Variants in MYO16 observed in about 807,000 individuals in gnomAD.
MYO16 encodes the protein unconventional myosin-XVI.
Under a neutral mutation model 205.3 loss-of-function variants are expected in MYO16, and 94 were observed. That is an observed-to-expected ratio of 0.46 (90% CI 0.39 to 0.54). The LOEUF is 0.54. Ranked by LOEUF, MYO16 falls within the 20% of genes least tolerant of loss-of-function variation. The pLI is 0.00. For synonymous variants in MYO16, 988 were observed against 954.0 expected, an observed-to-expected ratio of 1.04 and a Z score of -0.66; for missense variants, 2,315 against 2,387.5, an observed-to-expected ratio of 0.97 and a Z score of 0.63.
intron 12 of MYO16, among the ~76,000 whole-genome samples, chr13:108,882,433 A>G (rs1879661173): frequency 6.6e-6 from 1 of 152,178 alleles, no homozygotes; most frequent in South Asian, 2.1e-4. Context: ...CAGGCCAGTT[A>G]TTTTGTACAA....
At chr13:108,619,429 T>C (rs990015810) in intron 1 of MYO16, among the ~76,000 whole-genome samples, 1 of 152,198 alleles carries the variant, frequency 6.6e-6, no homozygotes, top group African/African-American at 2.4e-5. Flanking sequence ...CCGATCTGTA[T>C]CTTTTCTTGA....
intron 5 of MYO16, among the ~76,000 whole-genome samples, chr13:108,790,702 A>T (rs1396987252): frequency 6.6e-6 from 1 of 152,186 alleles, no homozygotes; most frequent in African/African-American, 2.4e-5. Flanking sequence ...ATTTTAAAAA[A>T]ATCTAAAATT....
At chr13:108,608,268 G>T (rs1879035363) in intron 1 of MYO16, among the ~76,000 whole-genome samples, 1 of 152,136 alleles carries the variant, frequency 6.6e-6, no homozygotes, top group Admixed American at 6.5e-5. Context: ...CTGGTGGCAT[G>T]GCTTCTGCCT....
intron 2 of MYO16, among the ~76,000 whole-genome samples, chr13:108,666,818 A>G (rs1238652439): frequency 1.3e-5 from 2 of 152,148 alleles, no homozygotes; most frequent in South Asian, 2.1e-4. Context: ...TTCACTTTTT[A>G]TATACTCTTG....
the MYO16 span, among the ~76,000 whole-genome samples, chr13:108,584,038 C>T: frequency 8.5e-5 from 13 of 152,180 alleles, no homozygotes. Context: ...ACTGCAAGCT[C>T]TGCCTCCCAG....
Position 108,823,204 on chromosome 13 carries a change from A to T in MYO16, c.1023A>T (p.Leu341Phe), listed in dbSNP as rs1023371521. Reference protein sequence around the residue: ...IAWEEKMKEPLSASTLAQEEP... With the variant: ...IAWEEKMKEPFSASTLAQEEP... ...GGGAAGAAAAAATGAAAGAGCCTTT[A>T]TCTGCTTCTACCTTAGCTCAAGAAG... The change falls in exon 9 of 35, where the codon TTA (leucine) becomes TTT (phenylalanine). Residue 341 changes from leucine to phenylalanine, a missense_variant. By Grantham distance (22) the Leu-to-Phe change is conservative. Around this residue, in one of 3 missense-constraint regions of MYO16, gnomAD observed 1,213 missense variants for 1,274.4 expected, o/e 0.95. Coordinates refer to ENST00000457511, the MANE Select transcript of MYO16 (RefSeq NM_001198950.3). The T allele has an allele frequency of 1.5e-5, 25 of 1,613,370 alleles. No individual in the cohort carries two copies. Among genetic ancestry groups the T allele is most frequent in the Non-Finnish European group, 2.0e-5 (24 of 1,179,550 alleles).
rs543056661 is a variant in MYO16 at position 109,165,987 on chromosome 13, A to C, written c.5323+928A>C. On this transcript the variant is annotated intron_variant, in intron 33 of 34. Transcript: ENST00000457511. ...AGGTACCTGGGAGAAACACGTGTAC[A>C]TTTTCCCCAAAGGGCAGTAATAGCA... Among the ~76,000 whole-genome samples, 7 of 152,324 alleles carry C rather than the reference A, an allele frequency of 4.6e-5. No homozygotes were observed. The South Asian group carries it at 1.5e-3, about 32-fold the overall frequency.
intron 34 of MYO16, among the ~76,000 whole-genome samples, chr13:109,185,578 A>T (rs1392963501): frequency 2.6e-5 from 4 of 152,216 alleles, no homozygotes. Context: ...CAAATCTATT[A>T]TATGTGTGAT....
At chr13:108,774,147 G>A (rs1283519243) in intron 4 of MYO16, among the ~76,000 whole-genome samples, 4 of 152,238 alleles carry the variant, frequency 2.6e-5, no homozygotes, top group South Asian at 4.1e-4. Context: ...GTATTAATGT[G>A]TTAGAGAACT....
At chr13:108,666,249 T>C in intron 2 of MYO16, 100 bp downstream of exon 2, 2 of 1,310,002 alleles carry the variant, frequency 1.5e-6, no homozygotes, top group Non-Finnish European at 2.0e-6. Context: ...GGCAGAAAAG[T>C]CCTTTTAAAT....
chr13:108,778,447 C>T (rs2002903), intron 4 of MYO16, among the ~76,000 whole-genome samples: 51,623 of 151,984 alleles, frequency 0.34, 9,970 homozygotes, highest in East Asian at 0.63. Context: ...GGCGAAACCC[C>T]GTCTCTACTA....
Position 109,100,866 on chromosome 13 carries a change from G to T in MYO16, c.3417G>T (p.Gln1139His), listed in dbSNP as rs773797472. 2 of 1,613,056 alleles carry T rather than the reference G, an allele frequency of 1.2e-6. No homozygotes were observed. The highest frequency in any genetic ancestry group is 2.2e-5 in the South Asian group (2 of 91,048). ...AGCGATGTCGACTTGTTCTCCAGCAGTGTAAATTACAAGGCTGGCAGGTTG... is the reference window on the plus strand; with the variant it reads ...AGCGATGTCGACTTGTTCTCCAGCATTGTAAATTACAAGGCTGGCAGGTTG... ...AAERCRLVLQ[Q>H]CKLQGWQMGV... Residue 1139 changes from glutamine (Q) to histidine (H), a missense_variant, in exon 28 of 35, where the codon CAG becomes CAT. Coordinates refer to ENST00000457511, the MANE Select transcript of MYO16 (RefSeq NM_001198950.3).
upstream of MYO16, among the ~76,000 whole-genome samples, chr13:108,627,843 G>A (rs1033754085): frequency 1.3e-5 from 2 of 152,042 alleles, no homozygotes; most frequent in Non-Finnish European, 2.9e-5. Flanking sequence ...TACATGCAGA[G>A]GCATGCAATT....
At position 109,207,610 on chromosome 13, in the gene MYO16, A is replaced by C. The variant is rs1880657725; in HGVS notation, c.*774A>C. The C allele has an allele frequency of 6.6e-6, 1 of 152,148 alleles. No homozygotes were observed. The highest frequency in any genetic ancestry group is 1.5e-5 in the Non-Finnish European group (1 of 68,036). 9.4% of individuals were successfully genotyped at this position (152,148 alleles called of 1,614,324 possible). On this transcript the variant is annotated 3_prime_UTR_variant, in exon 35 of 35. Coordinates refer to ENST00000457511, the MANE Select transcript of MYO16 (RefSeq NM_001198950.3). ...AAGTGGATTGTGTACCCTTTAGTTA[A>C]ATTTCACCTCCCGACTTCAGCATAG...
intron 12 of MYO16, among the ~76,000 whole-genome samples, chr13:108,869,654 C>T (rs1878932279): frequency 7.0e-6 from 1 of 141,924 alleles, no homozygotes. Context: ...TGGCGTGAAC[C>T]CGGGAGGCGG....
chr13:109,055,811 A>G lies in MYO16; in HGVS notation c.3335+216A>G, dbSNP rs147359648. 9.8e-4 allele frequency: 454 copies of G among 462,534 alleles called. No homozygotes were observed. Among genetic ancestry groups the G allele is most frequent in the African/African-American group, 7.6e-3 (396 of 51,792 alleles). 28.7% of individuals were successfully genotyped at this position (462,534 alleles called of 1,614,324 possible). On this transcript the variant is annotated intron_variant, in intron 27 of 34. Transcript: ENST00000457511. The surrounding 1 kb of genome is among the most constrained non-coding windows in gnomAD (Gnocchi z 5.0). ...ATAATTAAACTGTACTGAGGACAGT[A>G]TCTTGGAAACCATTCTCATGTTCCT...
the MYO16 span, among the ~76,000 whole-genome samples, chr13:108,502,589 T>A: frequency 1.3e-5 from 2 of 152,202 alleles, no homozygotes; most frequent in Admixed American, 1.3e-4. Flanking sequence ...CTGAAATTAG[T>A]TGATATTTTA....
intron 28 of MYO16, among the ~76,000 whole-genome samples, chr13:109,115,225 C>G (rs929285674): frequency 7.3e-6 from 1 of 136,752 alleles, no homozygotes; most frequent in Non-Finnish European, 1.5e-5. Context: ...GTCTGTACCT[C>G]CACAGCCTAC....
the MYO16 span, among the ~76,000 whole-genome samples, chr13:108,498,138 A>G: frequency 6.6e-6 from 1 of 152,232 alleles, no homozygotes; most frequent in Admixed American, 6.5e-5. Flanking sequence ...GCCTGTGCTC[A>G]GTTGAGCACC....
Sources: allele counts gnomAD v4.1 joint callset (sites outside exome capture counted in the v4.1 genomes callset), GRCh38; gene constraint gnomAD v4.1.1; regional missense constraint gnomAD v4.1.1; non-coding constraint Gnocchi (gnomAD v3.1); transcripts MANE v1.5; gene names NCBI Gene and HGNC (gene_info 2026-07-23, HGNC 2026-07-21).